The following CCDC170 variants were observed in gnomAD, a reference collection of about 807,000 sequenced individuals.
CCDC170 encodes coiled-coil domain-containing protein 170.
In CCDC170, 69 loss-of-function variants were observed where a neutral mutation model predicts 72.6. That is an observed-to-expected ratio of 0.95 (90% CI 0.78 to 1.16). The LOEUF (loss-of-function observed/expected upper bound fraction) is 1.16. Among genes scored for constraint, CCDC170 ranks in the 50% most tolerant of loss-of-function variants. The pLI is 0.00. For missense variants in CCDC170, 852 were observed against 832.5 expected (o/e 1.02, Z -0.29); for synonymous variants, 300 against 303.9 (o/e 0.99, Z 0.13).
intron 5 of CCDC170, among the ~76,000 whole-genome samples, chr6:151,553,942 G>A (rs1782929038): frequency 6.6e-6 from 1 of 152,060 alleles, no homozygotes; most frequent in Non-Finnish European, 1.5e-5. Flanking sequence ...GGTCCAGAAG[G>A]ACTGCAGAAG....
chr6:151,594,487 G>C (rs1776590940), intron 8 of CCDC170, among the ~76,000 whole-genome samples: 1 of 152,082 alleles, frequency 6.6e-6, no homozygotes, highest in Non-Finnish European at 1.5e-5. Flanking sequence ...ATTACCATTA[G>C]AGACATTAAA....
chr6:151,506,624 G>C (rs901999411), intron 1 of CCDC170, among the ~76,000 whole-genome samples: 1 of 152,194 alleles, frequency 6.6e-6, no homozygotes, highest in Non-Finnish European at 1.5e-5. Context: ...GTAACCTTGT[G>C]TAATGGTCTG....
intron 1 of CCDC170, among the ~76,000 whole-genome samples, chr6:151,498,714 T>G (rs567508872): frequency 6.6e-6 from 1 of 152,332 alleles, no homozygotes; most frequent in African/African-American, 2.4e-5. Context: ...ATTTGACTAT[T>G]CTAGGCACGG....
At chr6:151,538,905 A>T (rs1027939783) in intron 3 of CCDC170, among the ~76,000 whole-genome samples, 2 of 152,226 alleles carry the variant, frequency 1.3e-5, no homozygotes, top group African/African-American at 4.8e-5. Context: ...TTAAAAAAAT[A>T]ACCCAATACT....
chr6:151,589,358 C>T (rs2115109432), intron 7 of CCDC170, among the ~76,000 whole-genome samples: 1 of 152,318 alleles, frequency 6.6e-6, no homozygotes, highest in Non-Finnish European at 1.5e-5. Flanking sequence ...CATCTAACTG[C>T]CTGCTGGACA....
chr6:151,542,220 T>C lies in CCDC170; in HGVS notation c.444-2352T>C, dbSNP rs115584418. On this transcript the variant is annotated intron_variant, in intron 3 of 10. Transcript: ENST00000239374. ...TTTAAAAACTCATTTAGTATATAATTTTATTTATTTACTTATTTAAGACAG... is the reference window on the plus strand; with the variant it reads ...TTTAAAAACTCATTTAGTATATAATCTTATTTATTTACTTATTTAAGACAG... 7.1e-3 allele frequency among the ~76,000 whole-genome samples: 1,070 copies of C among 151,090 alleles called. 14 individuals are homozygous for C. Among genetic ancestry groups the C allele is most frequent in the African/African-American group, 0.024 (990 of 41,112 alleles).
rs1777033377 is a variant in CCDC170 at position 151,619,922 on chromosome 6, G to A, written c.*1775G>A. On this transcript the variant is annotated 3_prime_UTR_variant, in exon 11 of 11. Coordinates refer to ENST00000239374, the MANE Select transcript of CCDC170 (RefSeq NM_025059.4). ...AAGAGATGAAACAATCAATTGCAAG[G>A]GTCAAAACTAGATTGGATCTTGGTT... is the stretch of plus-strand genomic sequence containing the variant. 6.6e-6 allele frequency: 1 copy of A among 151,806 alleles called. No individual in the cohort carries two copies. The highest frequency in any genetic ancestry group is 2.4e-5 in the African/African-American group (1 of 41,304). 9.4% of individuals were successfully genotyped at this position (151,806 alleles called of 1,614,324 possible).
chr6:151,583,173 A>G (rs1776402721), intron 6 of CCDC170, among the ~76,000 whole-genome samples: 1 of 151,334 alleles, frequency 6.6e-6, no homozygotes, highest in Non-Finnish European at 1.5e-5. Context: ...TTGTATTTTT[A>G]GTAGAGATGG....
At chr6:151,576,864 T>G (rs1005514227) in intron 6 of CCDC170, among the ~76,000 whole-genome samples, 1 of 152,208 alleles carries the variant, frequency 6.6e-6, no homozygotes, top group Non-Finnish European at 1.5e-5. Context: ...AGTCAGTGGC[T>G]GAGTAATTCT....
intron 1 of CCDC170, among the ~76,000 whole-genome samples, chr6:151,521,638 G>C (rs1449056392): frequency 6.6e-6 from 1 of 152,126 alleles, no homozygotes; most frequent in Non-Finnish European, 1.5e-5. Flanking sequence ...AATAGACCAA[G>C]GAAATGTCTT....
intron 9 of CCDC170, among the ~76,000 whole-genome samples, chr6:151,605,345 AG>A (rs1228550281): frequency 6.6e-6 from 1 of 152,228 alleles, no homozygotes; most frequent in Non-Finnish European, 1.5e-5. Context: ...AATGTCGCAA[AG>A]GGGATATTCT....
intron 1 of CCDC170, among the ~76,000 whole-genome samples, chr6:151,496,619 G>A (rs1337393922): frequency 6.6e-6 from 1 of 152,110 alleles, no homozygotes; most frequent in Non-Finnish European, 1.5e-5. Flanking sequence ...TCTTTCAAAA[G>A]CTTTGTACTT....
intron 6 of CCDC170, among the ~76,000 whole-genome samples, chr6:151,577,626 T>C (rs1307126936): frequency 4.1e-5 from 1 of 24,118 alleles, no homozygotes; most frequent in African/African-American, 4.3e-4. Context: ...GTGGGAGCTG[T>C]GGGGACCCCC....
At chr6:151,519,783 G>T (rs982897166) in intron 1 of CCDC170, among the ~76,000 whole-genome samples, 3 of 152,136 alleles carry the variant, frequency 2.0e-5, no homozygotes, top group African/African-American at 7.2e-5. Context: ...GACCATACAG[G>T]GTAATAACCT....
intron 1 of CCDC170, among the ~76,000 whole-genome samples, chr6:151,533,202 C>T (rs34456436): frequency 0.9 from 135,606 of 151,380 alleles, 60,907 homozygotes; most frequent in East Asian, 0.99. Flanking sequence ...TACAGGCGCC[C>T]GCCACCACAC....
chr6:151,509,207 C>CATCTATCT lies in CCDC170; in HGVS notation c.57+15029_57+15036dup, dbSNP rs530675671. ...CTCCCCCCTTTCGCTCTCTCTGTCT[C>CATCTATCT]ATCTATCTATCTATGTATCTATCTA... On this transcript the variant is annotated intron_variant, in intron 1 of 10. Transcript: ENST00000239374. Among the ~76,000 whole-genome samples, 15 of 141,818 alleles carry CATCTATCT rather than the reference C, an allele frequency of 1.1e-4. 1 individual carries two copies. The East Asian group carries it at 1.1e-3, about 10-fold the overall frequency. The allele number at this position is 141,818 out of a possible 152,430, so 93.0% of individuals were successfully genotyped here.
At chr6:151,536,225 T>C in intron 1 of CCDC170, 93 bp from the exon 2 acceptor site, 2 of 1,414,592 alleles carry the variant, frequency 1.4e-6, no homozygotes, top group Non-Finnish European at 2.0e-6. Flanking sequence ...ATACAAAGAA[T>C]GCTTCTGCCT....
At position 151,538,264 on chromosome 6, in the gene CCDC170, T is replaced by C; in HGVS notation, c.406T>C (p.Leu136=). Residue 136 remains leucine, a synonymous_variant, in exon 3 of 11, where the codon TTA becomes CTA. Transcript: ENST00000239374. The part of the protein sequence containing the change: ...AHAAIKENQE[L]KKKVVELNEK... The stretch of plus-strand genomic sequence containing the variant: ...CGCTGCAATCAAGGAGAACCAGGAA[T>C]TAAAGAAGAAAGTTGTAGAGTTAAA... The C allele has an allele frequency of 6.2e-7, 1 of 1,613,764 alleles. No homozygotes were observed.
At chr6:151,517,823 C>G (rs764586991) in intron 1 of CCDC170, among the ~76,000 whole-genome samples, 4 of 152,106 alleles carry the variant, frequency 2.6e-5, no homozygotes, top group Non-Finnish European at 4.4e-5. Flanking sequence ...TGTGGTCTAC[C>G]TCTAGGAAGT....
Sources: gnomAD v4.1 joint callset for allele counts (sites outside exome capture counted in the v4.1 genomes callset) on GRCh38, gnomAD v4.1.1 for gene constraint, MANE v1.5 for transcripts, NCBI Gene and HGNC (gene_info 2026-07-23, HGNC 2026-07-21) for gene names.